IL1RAPL1: variants seen among roughly 807,000 people sequenced by gnomAD.
IL1RAPL1 encodes interleukin-1 receptor accessory protein-like 1.
A neutral mutation model predicts 48.4 loss-of-function variants in IL1RAPL1; 3 were observed. That is an observed-to-expected ratio of 0.06 (90% CI 0.03 to 0.16). The LOEUF is 0.16. Ranked by LOEUF, IL1RAPL1 falls within the 10% of genes least tolerant of loss-of-function variation. The pLI is 1.00. For missense variants in IL1RAPL1, 349 were observed against 530.6 expected, an observed-to-expected ratio of 0.66 and a Z score of 3.36; for synonymous variants, 185 against 187.7, an observed-to-expected ratio of 0.99 and a Z score of 0.12.
chrX:29,072,121 A>G (rs1262490868), intron 2 of IL1RAPL1, among the ~76,000 whole-genome samples: 1 of 110,225 alleles, frequency 9.1e-6, no homozygotes, highest in Non-Finnish European at 1.9e-5. Flanking sequence ...GATTCCCAGC[A>G]GGGCCATTAA....
intron 2 of IL1RAPL1, among the ~76,000 whole-genome samples, chrX:29,208,739 TAAATA>T (rs1930716200): frequency 9.5e-6 from 1 of 104,985 alleles, no homozygotes; most frequent in Admixed American, 1.0e-4. Context: ...TAATAATAAA[TAAATA>T]AATAAATAAA....
At chrX:29,249,513 T>A (rs1931569931) in intron 2 of IL1RAPL1, among the ~76,000 whole-genome samples, 1 of 111,452 alleles carries the variant, frequency 9.0e-6, no homozygotes, top group Admixed American at 9.6e-5. Context: ...AATAACCCAT[T>A]ATAGTATCTT....
At chrX:29,915,079 A>C (rs1932787297) in intron 6 of IL1RAPL1, among the ~76,000 whole-genome samples, 1 of 110,765 alleles carries the variant, frequency 9.0e-6, no homozygotes, top group African/African-American at 3.4e-5. Flanking sequence ...GCAGATCACG[A>C]GGTCAGTAGT....
chrX:28,990,988 T>C (rs1189264275), intron 2 of IL1RAPL1, among the ~76,000 whole-genome samples: 3 of 112,003 alleles, frequency 2.7e-5, no homozygotes, highest in Admixed American at 9.5e-5. Flanking sequence ...TATGAACATA[T>C]ACATCTTCAA....
chrX:28,819,058 C>T (rs192499165), intron 2 of IL1RAPL1, among the ~76,000 whole-genome samples: 1 of 110,975 alleles, frequency 9.0e-6, no homozygotes, highest in African/African-American at 3.3e-5. Flanking sequence ...AAGCATGCTA[C>T]TATGTTTGTG....
intron 1 of IL1RAPL1, among the ~76,000 whole-genome samples, chrX:28,671,489 T>C (rs750954446): frequency 8.9e-6 from 1 of 112,186 alleles, no homozygotes; most frequent in South Asian, 3.7e-4. Flanking sequence ...TCTGGATTTC[T>C]AGTCCAGCTG....
Position 29,950,457 on chromosome X carries a change from A to G in IL1RAPL1, c.1202-4065A>G, listed in dbSNP as rs932429089. Reference sequence around the variant, plus strand: ...GTGTCATTGAGACCTCTGCATGCCTATATCCTGTTCTAGAACAGAGTTTAT... The same window carrying G: ...GTGTCATTGAGACCTCTGCATGCCTGTATCCTGTTCTAGAACAGAGTTTAT... On this transcript the variant is annotated intron_variant, in intron 9 of 10. Coordinates refer to ENST00000378993, the MANE Select transcript of IL1RAPL1 (RefSeq NM_014271.4). 2.7e-5 allele frequency among the ~76,000 whole-genome samples: 3 copies of G among 111,420 alleles called. No homozygotes were observed. The Admixed American group carries it at 2.9e-4, about 11-fold the overall frequency.
At chrX:28,979,083 A>G (rs927929511) in intron 2 of IL1RAPL1, among the ~76,000 whole-genome samples, 1 of 111,813 alleles carries the variant, frequency 8.9e-6, no homozygotes, top group African/African-American at 3.3e-5. Context: ...GTGGAGGACA[A>G]GGTCTCTGGA....
chrX:29,438,097 G>A (rs1452439121), intron 5 of IL1RAPL1, among the ~76,000 whole-genome samples: 1 of 110,994 alleles, frequency 9.0e-6, no homozygotes, highest in Non-Finnish European at 1.9e-5. Context: ...TTCATATTGA[G>A]TGAGTTGTCA....
chrX:28,821,046 T>C (rs1936932889), intron 2 of IL1RAPL1, among the ~76,000 whole-genome samples: 1 of 111,503 alleles, frequency 9.0e-6, no homozygotes, highest in African/African-American at 3.3e-5. Flanking sequence ...CACCGGACGC[T>C]GTCAAGCACA....
rs138783034 is a variant in IL1RAPL1 at position 29,633,911 on chromosome X, C to T, written c.704-34519C>T. ...TTTAACTTAATTATATCCACAAGGG[C>T]GCTTTTTTCCAAATAAGGTCACATT... On this transcript the variant is annotated intron_variant, in intron 5 of 10. Coordinates refer to ENST00000378993, the MANE Select transcript of IL1RAPL1 (RefSeq NM_014271.4). Among the ~76,000 whole-genome samples, 15 of 111,468 alleles carry T rather than the reference C, an allele frequency of 1.3e-4. No individual in the cohort carries two copies. In the East Asian group the frequency reaches 3.4e-3, roughly 25 times the overall value.
In IL1RAPL1 at chrX:29,639,972, T is replaced by G. The variant is rs140081644; in HGVS notation, c.704-28458T>G. On this transcript the variant is annotated intron_variant, in intron 5 of 10. Transcript: ENST00000378993. The stretch of plus-strand genomic sequence containing the variant: ...AATTATGCTCAGCCCCTGGCATCTT[T>G]TTGGTCCTCTCTTGATCGCTAGTCC... 3.1e-3 allele frequency among the ~76,000 whole-genome samples: 346 copies of G among 111,479 alleles called. 1 individual carries two copies. Among genetic ancestry groups the G allele is most frequent in the African/African-American group, 8.8e-3 (270 of 30,666 alleles).
chrX:29,785,974 A>G (rs1929485369), intron 6 of IL1RAPL1, among the ~76,000 whole-genome samples: 2 of 93,603 alleles, frequency 2.1e-5, no homozygotes, highest in Admixed American at 1.3e-4. Flanking sequence ...ATTTTGAATT[A>G]TGAGACAATC....
intron 2 of IL1RAPL1, among the ~76,000 whole-genome samples, chrX:28,960,188 A>T (rs1395643955): frequency 8.9e-6 from 1 of 111,803 alleles, no homozygotes; most frequent in Non-Finnish European, 1.9e-5. Flanking sequence ...ATGATCGTAG[A>T]TTCCTGCTAA....
chrX:29,532,837 G>T (rs1400914546), intron 5 of IL1RAPL1, among the ~76,000 whole-genome samples: 2 of 111,673 alleles, frequency 1.8e-5, no homozygotes, highest in Non-Finnish European at 3.8e-5. Flanking sequence ...TTGCAGTAAG[G>T]TGAAGCACCT....
chrX:29,703,158 G>A (rs1927099779), intron 6 of IL1RAPL1, among the ~76,000 whole-genome samples: 1 of 110,733 alleles, frequency 9.0e-6, no homozygotes, highest in Non-Finnish European at 1.9e-5. Flanking sequence ...ACTCTCTACT[G>A]GATTTTATAT....
intron 2 of IL1RAPL1, among the ~76,000 whole-genome samples, chrX:29,119,355 T>C (rs1451110085): frequency 6.3e-5 from 7 of 111,504 alleles, no homozygotes; most frequent in Admixed American, 4.8e-4. Context: ...TTGGCACACT[T>C]ACAAGAGACT....
At chrX:29,040,402 G>A (rs1926821067) in intron 2 of IL1RAPL1, among the ~76,000 whole-genome samples, 1 of 111,963 alleles carries the variant, frequency 8.9e-6, no homozygotes, top group Non-Finnish European at 1.9e-5. Flanking sequence ...TCTGGGGATA[G>A]AGTGTTATTA....
At chrX:29,184,169 G>A (rs1387011674) in intron 2 of IL1RAPL1, among the ~76,000 whole-genome samples, 8 of 110,884 alleles carry the variant, frequency 7.2e-5, no homozygotes, top group Non-Finnish European at 1.3e-4. Context: ...AATATACACC[G>A]TCATCCTGAC....
Sources: allele counts gnomAD v4.1 joint callset (sites outside exome capture counted in the v4.1 genomes callset), GRCh38; gene constraint gnomAD v4.1.1; transcripts MANE v1.5; gene names NCBI Gene and HGNC (gene_info 2026-07-23, HGNC 2026-07-21).